HOOK3: variants seen among roughly 807,000 people sequenced by gnomAD.
HOOK3 encodes the protein hook microtubule tethering protein 3, also known as protein Hook homolog 3.
A neutral mutation model predicts 116.3 loss-of-function variants in HOOK3; 24 were observed. The ratio of observed to expected loss-of-function variants is 0.21; its 90% CI spans 0.15 to 0.29. HOOK3 has a LOEUF of 0.29. HOOK3 is among the 10% of genes least tolerant of loss of function. The pLI, the probability that HOOK3 is intolerant of heterozygous loss-of-function variation, is 1.00. For missense variants in HOOK3, 632 were observed against 830.2 expected, an observed-to-expected ratio of 0.76 and a Z score of 2.93; for synonymous variants, 275 against 283.0, an observed-to-expected ratio of 0.97 and a Z score of 0.28.
Position 42,950,650 on chromosome 8 carries a change from T to C in HOOK3, c.468+195T>C, listed in dbSNP as rs533164397. On this transcript the variant is annotated intron_variant, in intron 6 of 21. Coordinates refer to ENST00000307602, the MANE Select transcript of HOOK3 (RefSeq NM_032410.4). Reference sequence around the variant, plus strand: ...AAATTTTCCAATTTTATTTAAATCTTAAACATTTATTTTGCAGGTATAGAT... The same window carrying C: ...AAATTTTCCAATTTTATTTAAATCTCAAACATTTATTTTGCAGGTATAGAT... 5.3e-5 allele frequency among the ~76,000 whole-genome samples: 8 copies of C among 152,318 alleles called. No individual in the cohort carries two copies. In the South Asian group the frequency reaches 1.7e-3, roughly 32 times the overall value.
At chr8:42,982,358 G>A (rs1400277878) in intron 13 of HOOK3, among the ~76,000 whole-genome samples, 1 of 151,246 alleles carries the variant, frequency 6.6e-6, no homozygotes, top group Non-Finnish European at 1.5e-5. Context: ...CAGAGTTTGT[G>A]ATTTGGATGA....
intron 2 of HOOK3, among the ~76,000 whole-genome samples, chr8:42,916,834 G>A: frequency 6.6e-6 from 1 of 152,268 alleles, no homozygotes; most frequent in East Asian, 1.9e-4. Flanking sequence ...GCCAAATGGA[G>A]CTCATATCCA....
rs192226604 is a variant in HOOK3, at chr8:42,946,313, A to G, written c.400+2868A>G. ...TCAGGGAAGTTATTTAAGCAAAGCT[A>G]TGGAAGACAATGGGTTAAGAGTAAT... is the stretch of plus-strand genomic sequence containing the variant. On this transcript the variant is annotated intron_variant, in intron 5 of 21. Transcript: ENST00000307602. Among the ~76,000 whole-genome samples the G allele has an allele frequency of 1.6e-4, 25 of 152,300 alleles. No homozygotes were observed. The East Asian group carries it at 3.9e-3, about 24-fold the overall frequency.
In HOOK3 at chr8:43,023,757, GCCT is replaced by G. The variant is rs1809877411; in HGVS notation, c.*5263_*5265del. The G allele has an allele frequency of 5.2e-6, 1 of 193,080 alleles. No individual in the cohort carries two copies. Among genetic ancestry groups the G allele is most frequent in the Non-Finnish European group, 1.1e-5 (1 of 92,448 alleles). The allele number at this position is 193,080 out of a possible 1,614,324, so 12.0% of individuals were successfully genotyped here. On this transcript the variant is annotated 3_prime_UTR_variant, in exon 22 of 22. Coordinates refer to ENST00000307602, the MANE Select transcript of HOOK3 (RefSeq NM_032410.4). ...ATTACAGGCGTGTGTTACTGCCCCA[GCCT>G]CCTATTTCCTTTTCGAAAGTAGCAG...
intron 18 of HOOK3, among the ~76,000 whole-genome samples, chr8:43,008,722 G>C (rs1248559300): frequency 2.7e-5 from 4 of 145,992 alleles, no homozygotes; most frequent in Non-Finnish European, 4.5e-5. Context: ...TGCAGTGGCG[G>C]GATCTCGGCT....
chr8:42,955,540 A>G (rs1379457557), intron 6 of HOOK3, among the ~76,000 whole-genome samples: 2 of 152,200 alleles, frequency 1.3e-5, no homozygotes, highest in Non-Finnish European at 2.9e-5. Context: ...TGATTAAACA[A>G]ATGAACCTAG....
intron 2 of HOOK3, among the ~76,000 whole-genome samples, chr8:42,919,698 C>A (rs895705998): frequency 6.6e-6 from 1 of 152,182 alleles, no homozygotes; most frequent in South Asian, 2.1e-4. Context: ...CCCGGCACCT[C>A]GGGAGGCTGA....
At chr8:42,995,873 G>GTAA (rs1220144287) in intron 15 of HOOK3, among the ~76,000 whole-genome samples, 12 of 151,772 alleles carry the variant, frequency 7.9e-5, no homozygotes, top group African/African-American at 1.9e-4. Context: ...GGCATATTTA[G>GTAA]TAATAATAAT....
chr8:43,027,500 C>A lies in HOOK3; in HGVS notation c.*9002C>A. The A allele has an allele frequency of 2.3e-6, 1 of 433,234 alleles. No individual in the cohort carries two copies. Among genetic ancestry groups the A allele is most frequent in the Non-Finnish European group, 4.4e-6 (1 of 224,790 alleles). The allele number at this position is 433,234 out of a possible 1,614,324, so 26.8% of individuals were successfully genotyped here. On this transcript the variant is annotated 3_prime_UTR_variant, in exon 22 of 22. Transcript: ENST00000307602. Reference sequence around the variant, plus strand: ...CCCCCTGTTCTACTGACGTGCTTTGCATGAGAAGCTCATCTAGAAGAGAGC... The same window carrying A: ...CCCCCTGTTCTACTGACGTGCTTTGAATGAGAAGCTCATCTAGAAGAGAGC...
At chr8:42,917,628 C>A (rs1206609182) in intron 2 of HOOK3, among the ~76,000 whole-genome samples, 3 of 152,204 alleles carry the variant, frequency 2.0e-5, no homozygotes, top group African/African-American at 7.2e-5. Context: ...TTTATTATAA[C>A]ACAACCACAT....
Position 43,030,404 on chromosome 8 carries a change from T to C in HOOK3, c.*11906T>C, listed in dbSNP as rs1208194383. ...TGTTTATATGTATGCATATAATATA[T>C]GTATATGTATATGAAGAATAAAGTT... On this transcript the variant is annotated 3_prime_UTR_variant, in exon 22 of 22. Coordinates refer to ENST00000307602, the MANE Select transcript of HOOK3 (RefSeq NM_032410.4). 4 of 178,840 alleles carry C rather than the reference T, an allele frequency of 2.2e-5. No homozygotes were observed. Among genetic ancestry groups the C allele is most frequent in the Non-Finnish European group, 4.8e-5 (4 of 83,426 alleles). 11.1% of individuals were successfully genotyped at this position (178,840 alleles called of 1,614,324 possible).
At chr8:42,940,568 A>G (rs1239090395) in intron 4 of HOOK3, among the ~76,000 whole-genome samples, 1 of 152,106 alleles carries the variant, frequency 6.6e-6, no homozygotes, top group East Asian at 1.9e-4. Context: ...GTAATGTTGA[A>G]TATTAGCTCC....
chr8:42,999,773 G>A (rs937412102), intron 16 of HOOK3, among the ~76,000 whole-genome samples: 4 of 152,128 alleles, frequency 2.6e-5, no homozygotes, highest in African/African-American at 9.7e-5. Context: ...ATTTGAGCTA[G>A]CCACAATATA....
intron 15 of HOOK3, among the ~76,000 whole-genome samples, chr8:42,988,803 A>G (rs34489103): frequency 0.052 from 7,893 of 152,140 alleles, 433 homozygotes; most frequent in African/African-American, 0.13. Context: ...CTTTCTTGCC[A>G]ATTTATCTTC....
At chr8:42,963,145 T>C (rs1477839749) in intron 8 of HOOK3, among the ~76,000 whole-genome samples, 1 of 152,036 alleles carries the variant, frequency 6.6e-6, no homozygotes, top group Non-Finnish European at 1.5e-5. Context: ...ATCTATGTTG[T>C]AGCTGTAAAT....
chr8:42,992,232 C>T (rs569226937), intron 15 of HOOK3, among the ~76,000 whole-genome samples: 8 of 150,364 alleles, frequency 5.3e-5, no homozygotes, highest in African/African-American at 1.7e-4. Context: ...AACCCCGTCT[C>T]TGCTAAAAAT....
intron 15 of HOOK3, 29 bp from the exon 16 acceptor site, chr8:42,997,521 T>G (rs773579929): frequency 8.3e-6 from 12 of 1,449,710 alleles, no homozygotes; most frequent in Non-Finnish European, 1.1e-5. Context: ...ACTCACCACT[T>G]GGAAAATTAA....
rs1428234992 is a variant in HOOK3 at position 43,023,909 on chromosome 8, C to T, written c.*5411C>T. On this transcript the variant is annotated 3_prime_UTR_variant, in exon 22 of 22. Transcript: ENST00000307602. The stretch of plus-strand genomic sequence containing the variant: ...TGTTAAAAACTTGGAAGTCTTTATC[C>T]CAATATAAGAATTATCTTGAAACAA... 5.0e-6 allele frequency: 1 copy of T among 200,892 alleles called. No individual in the cohort carries two copies. The highest frequency in any genetic ancestry group is 1.0e-5 in the Non-Finnish European group (1 of 97,736). 12.4% of individuals were successfully genotyped at this position (200,892 alleles called of 1,614,324 possible).
At chr8:42,938,217 C>CTTT (rs145868661) in intron 4 of HOOK3, among the ~76,000 whole-genome samples, 122 of 132,302 alleles carry the variant, frequency 9.2e-4, no homozygotes, top group African/African-American at 3.3e-3. Context: ...GCAACCCCTG[C>CTTT]TTTTTTTTTT....
Sources: allele counts gnomAD v4.1 joint callset (sites outside exome capture counted in the v4.1 genomes callset), GRCh38; gene constraint gnomAD v4.1.1; transcripts MANE v1.5; gene names NCBI Gene and HGNC (gene_info 2026-07-23, HGNC 2026-07-21).